MICALL2: variants seen among roughly 807,000 people sequenced by gnomAD.
MICALL2 encodes MICAL-like protein 2.
A neutral mutation model predicts 91.1 loss-of-function variants in MICALL2; 111 were observed. That is an observed-to-expected ratio of 1.22 (90% CI 1.04 to 1.43). MICALL2 has a LOEUF of 1.43. MICALL2 is among the 40% of genes most tolerant of loss of function. The pLI is 0.00. For missense variants in MICALL2, 1,556 were observed against 1,236.0 expected (o/e 1.26, Z -3.88); for synonymous variants, 694 against 525.3 (o/e 1.32, Z -4.39).
chr7:1,446,348 G>GTA (rs1780578690), intron 5 of MICALL2, among the ~76,000 whole-genome samples: 1 of 16,150 alleles, frequency 6.2e-5, no homozygotes, highest in African/African-American at 4.8e-4. Context: ...GGAGAGGAGG[G>GTA]GGGAGGAGGG....
intron 3 of MICALL2, 168 bp from the exon 4 acceptor site, chr7:1,447,933 G>A (rs1780672397): frequency 2.0e-6 from 1 of 494,066 alleles, no homozygotes; most frequent in Non-Finnish European, 3.5e-6. Context: ...CACAGCCCCG[G>A]GTCGGTCCCC....
At chr7:1,434,894 C>T (rs760182374) in intron 16 of MICALL2, 617 of 714,086 alleles carry the variant, frequency 8.6e-4, no homozygotes, top group Non-Finnish European at 1.3e-3. Context: ...CACCAGCTGC[C>T]CCTGGCTCTC....
At chr7:1,457,494 G>A (rs532738139) in intron 1 of MICALL2, among the ~76,000 whole-genome samples, 3 of 152,336 alleles carry the variant, frequency 2.0e-5, no homozygotes, top group South Asian at 2.1e-4. Context: ...CTCTGTGACC[G>A]GAACATTGCT....
chr7:1,438,403 C>A (rs373429951), intron 10 of MICALL2, 50 bp from the exon 11 acceptor site: 2 of 1,563,850 alleles, frequency 1.3e-6, no homozygotes, highest in Admixed American at 1.9e-5. Flanking sequence ...CCAGGCCCAA[C>A]GTGACCAGGA....
chr7:1,439,016 A>AGAGC (rs1202007283), intron 9 of MICALL2, 21 bp from the exon 10 acceptor site: 7 of 1,572,114 alleles, frequency 4.5e-6, no homozygotes, highest in African/African-American at 1.3e-5. Flanking sequence ...GTGGGGAGAC[A>AGAGC]GAGCCACGCT....
intron 10 of MICALL2, chr7:1,438,630 A>C: frequency 7.0e-7 from 1 of 1,420,272 alleles, no homozygotes; most frequent in Non-Finnish European, 9.2e-7. Context: ...TTCCATCATC[A>C]CCATGAGTCT....
chr7:1,440,644 C>T lies in MICALL2; in HGVS notation c.1752G>A (p.Pro584=), dbSNP rs58636013. The change falls in exon 8 of 17, where the codon CCG becomes CCA. Residue 584 remains proline (P), a synonymous_variant. Transcript: ENST00000297508. The part of the protein sequence containing the change: ...TSLQEGQEDG[P]AGWRANLKPV... Reference sequence around the variant, plus strand: ...GCTTCAGATTCGCTCTCCATCCTGCCGGCCCGTCCTCCTGGCCTTCCTGGA... The same window carrying T: ...GCTTCAGATTCGCTCTCCATCCTGCTGGCCCGTCCTCCTGGCCTTCCTGGA... The T allele has an allele frequency of 0.068, 110,028 of 1,611,106 alleles. 5,369 individuals carry two copies. The highest frequency in any genetic ancestry group is 0.23 in the Admixed American group (13,585 of 59,972).
At position 1,434,603 on chromosome 7, in the gene MICALL2, G is replaced by A. The variant is rs368188264; in HGVS notation, c.2708C>T (p.Ser903Phe). 160 of 1,596,800 alleles carry A rather than the reference G, an allele frequency of 1.0e-4. No individual in the cohort carries two copies. Among genetic ancestry groups the A allele is most frequent in the Non-Finnish European group, 1.3e-4 (158 of 1,174,726 alleles). ...IWSPKSKSSP[S>F]Q ...CCACGGCCCTACTGGCTACTACTGG[G>A]AGGGGCTGCTTTTGCTTTTTGGTGA... The change falls in exon 17 of 17, where the codon TCC becomes TTC. Residue 903 changes from serine (S) to phenylalanine (F), a missense_variant. Coordinates refer to ENST00000297508, the MANE Select transcript of MICALL2 (RefSeq NM_182924.4).
At chr7:1,437,685 T>C (rs1374292835) in intron 13 of MICALL2, 77 bp from the exon 14 acceptor site, 8 of 1,441,210 alleles carry the variant, frequency 5.6e-6, no homozygotes, top group Non-Finnish European at 7.5e-6. Flanking sequence ...CGCAACGAGG[T>C]CCTGGACCTG....
Position 1,448,258 on chromosome 7 carries a change from C to G in MICALL2, c.334+362G>C, listed in dbSNP as rs75680861. The stretch of plus-strand genomic sequence containing the variant: ...GTCAGCCAAGCCACCCCAGTGGGCA[C>G]AGAAGCTCAGGGGTCCAGATGGGCA... On this transcript the variant is annotated intron_variant, in intron 3 of 16. Transcript: ENST00000297508. Among the ~76,000 whole-genome samples the G allele has an allele frequency of 8.4e-3, 1,276 of 152,370 alleles. 15 individuals are homozygous for G. The highest frequency in any genetic ancestry group is 0.029 in the African/African-American group (1,203 of 41,594).
chr7:1,442,598 C>T (rs939583204), intron 6 of MICALL2, 114 bp from the exon 7 acceptor site: 78 of 1,064,664 alleles, frequency 7.3e-5, no homozygotes, highest in East Asian at 1.3e-4. Context: ...AGCCTCCGGA[C>T]GGACTCCCAC....
chr7:1,445,782 C>G (rs967203886), intron 5 of MICALL2, among the ~76,000 whole-genome samples: 1 of 152,186 alleles, frequency 6.6e-6, no homozygotes, highest in African/African-American at 2.4e-5. Context: ...GGGGCTGACC[C>G]ACCCTGGCCT....
chr7:1,444,015 G>A (rs1054152434), intron 6 of MICALL2, among the ~76,000 whole-genome samples: 7 of 151,682 alleles, frequency 4.6e-5, no homozygotes, highest in East Asian at 1.9e-4. Flanking sequence ...CGTGGGTCCC[G>A]CTCGCGACCT....
intron 4 of MICALL2, 69 bp downstream of exon 4, chr7:1,447,506 C>T: frequency 9.9e-7 from 1 of 1,010,282 alleles, no homozygotes; most frequent in Non-Finnish European, 1.4e-6. Flanking sequence ...CACGTAGTCC[C>T]ACAAGCCCCT....
In MICALL2 at chr7:1,446,761, A is replaced by G; in HGVS notation, c.593T>C (p.Val198Ala). 1 of 1,608,386 alleles carries G rather than the reference A, an allele frequency of 6.2e-7. No homozygotes were observed. The highest frequency in any genetic ancestry group is 8.5e-7 in the Non-Finnish European group (1 of 1,178,232). Reference protein sequence around the residue: ...CGVCGKHVHLVQRHLADGRLY... With the variant: ...CGVCGKHVHLAQRHLADGRLY... ...CCTCCCGTCGGCCAGGTGCCGCTGTACCAGGTGCACGTGCTTGCCGCAGAC... is the reference window on the plus strand; with the variant it reads ...CCTCCCGTCGGCCAGGTGCCGCTGTGCCAGGTGCACGTGCTTGCCGCAGAC... The change falls in exon 5 of 17, where the codon GTA (valine) becomes GCA (alanine). Residue 198 changes from valine to alanine, a missense_variant. Val to Ala is a moderately conservative substitution (Grantham distance 64). Coordinates refer to ENST00000297508, the MANE Select transcript of MICALL2 (RefSeq NM_182924.4).
intron 15 of MICALL2, among the ~76,000 whole-genome samples, chr7:1,436,409 C>T (rs1313628481): frequency 1.3e-5 from 2 of 151,344 alleles, no homozygotes; most frequent in Non-Finnish European, 2.9e-5. Flanking sequence ...AAAAATTAGC[C>T]GGGTGTGGTA....
Position 1,458,401 on chromosome 7 carries a change from C to A in MICALL2, c.143+783G>T, listed in dbSNP as rs138229436. 1.2e-4 allele frequency among the ~76,000 whole-genome samples: 19 copies of A among 152,378 alleles called. No homozygotes were observed. In the East Asian group the frequency reaches 3.3e-3, roughly 26 times the overall value. On this transcript the variant is annotated intron_variant, in intron 1 of 16. Transcript: ENST00000297508. ...GCTGCAGGTGGCCGTTGAGGGCCCC[C>A]CTTCCTGAGCGTCTGGCCCCCAGCC... is the stretch of plus-strand genomic sequence containing the variant.
rs1421347680 is a variant in MICALL2, at chr7:1,437,729, G to A, written c.2403-121C>T. 33 of 1,269,382 alleles carry A rather than the reference G, an allele frequency of 2.6e-5. No individual in the cohort carries two copies. In the Admixed American group the frequency reaches 4.7e-4, roughly 18 times the overall value. 78.6% of individuals were successfully genotyped at this position (1,269,382 alleles called of 1,614,324 possible). A position where few individuals can be genotyped will look rare whatever the true frequency, so the allele number is the denominator to read the frequency against. On this transcript the variant is annotated intron_variant, in intron 13 of 16. Coordinates refer to ENST00000297508, the MANE Select transcript of MICALL2 (RefSeq NM_182924.4). ...ACACGAGTCTGAGGCCTGACTCGCC[G>A]CCCGTCCCCCGCCTGGCCCACCCAG...
At chr7:1,437,244 T>C (rs1044698610) in intron 14 of MICALL2, 3 of 501,660 alleles carry the variant, frequency 6.0e-6, no homozygotes, top group East Asian at 3.5e-5. Flanking sequence ...CTACACTAAA[T>C]GCCTTGTGCG....
Sources: allele counts gnomAD v4.1 joint callset (sites outside exome capture counted in the v4.1 genomes callset), GRCh38; gene constraint gnomAD v4.1.1; transcripts MANE v1.5; gene names NCBI Gene and HGNC (gene_info 2026-07-23, HGNC 2026-07-21).